TRPV6: variants seen among roughly 807,000 people sequenced by gnomAD.
TRPV6 encodes transient receptor potential cation channel subfamily V member 6.
TRPV6 carries 39 observed loss-of-function variants against 79.0 expected under a neutral mutation model. The ratio of observed to expected loss-of-function variants is 0.49; its 90% confidence interval spans 0.38 to 0.64. The LOEUF (loss-of-function observed/expected upper bound fraction) is 0.64. Ranked by LOEUF, TRPV6 falls within the 30% of genes least tolerant of loss-of-function variation. The pLI, the probability that TRPV6 is intolerant of heterozygous loss-of-function variation, is 0.00. For synonymous variants in TRPV6, 373 were observed against 391.9 expected, an observed-to-expected ratio of 0.95 and a Z score of 0.57; for missense variants, 813 against 1,011.1, an observed-to-expected ratio of 0.80 and a Z score of 2.66.
intron 10 of TRPV6, 84 bp from the exon 11 acceptor site, chr7:142,874,740 C>A: frequency 6.4e-7 from 1 of 1,565,362 alleles, no homozygotes; most frequent in Non-Finnish European, 8.7e-7. Flanking sequence ...TGGGAAAGTA[C>A]CCACACATGC....
Position 142,871,856 on chromosome 7 carries a change from G to T in TRPV6, c.2149C>A (p.Leu717Met). 1 of 1,614,212 alleles carries T rather than the reference G, an allele frequency of 6.2e-7. No homozygotes were observed. The highest frequency in any genetic ancestry group is 8.5e-7 in the Non-Finnish European group (1 of 1,180,036). ...GACACTGAGGGCATAGGAAGGGACAGGTGGGGGCTGAAGGGACAGCCCAGC... is the reference window on the plus strand; with the variant it reads ...GACACTGAGGGCATAGGAAGGGACATGTGGGGGCTGAAGGGACAGCCCAGC... The change falls in exon 15 of 15, where the codon CTG becomes ATG. Residue 717 changes from leucine (L) to methionine (M), a missense_variant. Physicochemically the swap from Leu to Met is conservative, Grantham distance 15. Coordinates refer to ENST00000359396, the MANE Select transcript of TRPV6 (RefSeq NM_018646.6).
At position 142,875,140 on chromosome 7, in the gene TRPV6, C is replaced by T. The variant is rs772265505; in HGVS notation, c.1267G>A (p.Asp423Asn). 2.5e-5 allele frequency: 41 copies of T among 1,614,004 alleles called. No homozygotes were observed. Among genetic ancestry groups the T allele is most frequent in the Admixed American group, 1.2e-4 (7 of 60,002 alleles). The change falls in exon 9 of 15, where the codon GAT (aspartate) becomes AAT (asparagine). Residue 423 changes from aspartate (D) to asparagine (N), a missense_variant. Around this residue, in one of 3 missense-constraint regions of TRPV6, gnomAD observed 555 missense variants for 631.0 expected, o/e 0.88. Coordinates refer to ENST00000359396, the MANE Select transcript of TRPV6 (RefSeq NM_018646.6). ...ACCAGCTCCCCGACCAGCCGGATATCGTCCTTAGGGGTCATGTAGGCTTCC... is the reference window on the plus strand; with the variant it reads ...ACCAGCTCCCCGACCAGCCGGATATTGTCCTTAGGGGTCATGTAGGCTTCC...
intron 9 of TRPV6, 32 bp from the exon 10 acceptor site, chr7:142,875,012 A>G: frequency 5.0e-6 from 8 of 1,614,162 alleles, no homozygotes; most frequent in East Asian, 4.5e-5. Flanking sequence ...AAAGGCACTC[A>G]GATACCGGAA....
Position 142,871,794 on chromosome 7 carries a change from C to G in TRPV6, c.2211G>C (p.Arg737Ser), listed in dbSNP as rs1318041797. 1.2e-6 allele frequency: 2 copies of G among 1,614,098 alleles called. No individual in the cohort carries two copies. The highest frequency in any genetic ancestry group is 1.3e-5 in the African/African-American group (1 of 74,936). The change falls in exon 15 of 15, where the codon AGG becomes AGC. Residue 737 changes from arginine to serine, a missense_variant. Arg to Ser is a moderately radical substitution (Grantham distance 110, BLOSUM62 -1). Coordinates refer to ENST00000359396, the MANE Select transcript of TRPV6 (RefSeq NM_018646.6). ...CTCTCCTCAGGGTCCCTTGCCGAAG[C>G]CTTTCCCAATTGGCACTGCTGCGGG... is the stretch of plus-strand genomic sequence containing the variant.
At chr7:142,884,319 C>T (rs1795254479) in intron 1 of TRPV6, 1 of 152,402 alleles carries the variant, frequency 6.6e-6, no homozygotes, top group African/African-American at 2.4e-5. Context: ...CAGGGGCCTC[C>T]AGGCAGCCTC....
Position 142,871,606 on chromosome 7 carries a change from G to T in TRPV6, c.*101C>A. The T allele has an allele frequency of 7.1e-7, 1 of 1,404,536 alleles. No homozygotes were observed. 87.0% of individuals were successfully genotyped at this position (1,404,536 alleles called of 1,614,324 possible). A position where few individuals can be genotyped will look rare whatever the true frequency, so the allele number is the denominator to read the frequency against. On this transcript the variant is annotated 3_prime_UTR_variant, in exon 15 of 15. Transcript: ENST00000359396. ...TTCATGCTACTCCTCTTTCTCCCCT[G>T]GGGCCTGGGAGATGAGACCTCTGGG...
chr7:142,876,424 A>G lies in TRPV6; in HGVS notation c.866T>C (p.Val289Ala). 1.2e-6 allele frequency: 2 copies of G among 1,613,738 alleles called. No homozygotes were observed. ...GTCTCTCACCACAGTGTTACCCTCC[A>G]CTCCAGCCAGCTTGAAAGGGGTGAG... Residue 289 changes from valine (V) to alanine (A), a missense_variant, in exon 6 of 15, where the codon GTG becomes GCG. By Grantham distance (64) the Val-to-Ala change is moderately conservative. Transcript: ENST00000359396.
rs1232429841 is a variant in TRPV6 at position 142,873,579 on chromosome 7, A to G, written c.1777T>C (p.Phe593Leu). ...GCAGCATAGGTGATGCTGTACATGA[A>G]GGGCAGGTCCACGTTGTAGTTGGCT... The change falls in exon 13 of 15, where the codon TTC (phenylalanine) becomes CTC (leucine). Residue 593 changes from phenylalanine to leucine, a missense_variant. This residue lies in a region of TRPV6 where 94 missense variants were observed against 194.0 expected (regional missense o/e 0.48). Coordinates refer to ENST00000359396, the MANE Select transcript of TRPV6 (RefSeq NM_018646.6). This position sits in a 1 kb window ranked among gnomAD's most constrained non-coding sequence, Gnocchi z 4.8. 1 of 1,614,108 alleles carries G rather than the reference A, an allele frequency of 6.2e-7. No homozygotes were observed. Among genetic ancestry groups the G allele is most frequent in the African/African-American group, 1.3e-5 (1 of 74,944 alleles).
chr7:142,872,001 G>A lies in TRPV6; in HGVS notation c.2016-12C>T, dbSNP rs199549393. 1.3e-4 allele frequency: 199 copies of A among 1,568,972 alleles called. 6 individuals carry two copies. In the South Asian group the frequency reaches 2.2e-3, roughly 17 times the overall value. ...GCCTGTCTTCCACCCTGTGGAATGC[G>A]GGAGGACTTGAGACACAGCCAGGAC... On this transcript the variant is annotated splice_polypyrimidine_tract_variant and intron_variant, in intron 14 of 14. Coordinates refer to ENST00000359396, the MANE Select transcript of TRPV6 (RefSeq NM_018646.6).
At chr7:142,880,015 G>C (rs4987633) in intron 1 of TRPV6, 4 of 152,052 alleles carry the variant, frequency 2.6e-5, no homozygotes, top group East Asian at 1.9e-4. Flanking sequence ...ATACACCTAG[G>C]ATGGTGTAGA....
At chr7:142,879,913 T>G (rs1795158940) in intron 1 of TRPV6, 3 of 152,244 alleles carry the variant, frequency 2.0e-5, no homozygotes, top group Admixed American at 2.0e-4. Flanking sequence ...ATTCTCCCTA[T>G]GTCTGTGCCC....
intron 1 of TRPV6, chr7:142,879,283 T>C (rs907787568): frequency 6.6e-6 from 1 of 152,224 alleles, no homozygotes; most frequent in Non-Finnish European, 1.5e-5. Context: ...CTCTCCTTAT[T>C]ATCCACTTCT....
Position 142,873,915 on chromosome 7 carries a change from C to T in TRPV6, c.1639+161G>A, listed in dbSNP as rs1163910204. ...CTAAGAGCCACCTCTCCCTAACACT[C>T]CCGATTTTTCTCACCTCTGGAGGAC... On this transcript the variant is annotated intron_variant, in intron 12 of 14. Coordinates refer to ENST00000359396, the MANE Select transcript of TRPV6 (RefSeq NM_018646.6). This position sits in a 1 kb window ranked among gnomAD's most constrained non-coding sequence, Gnocchi z 4.8. 9.3e-7 allele frequency: 1 copy of T among 1,071,494 alleles called. No individual in the cohort carries two copies. The highest frequency in any genetic ancestry group is 2.6e-5 in the East Asian group (1 of 38,448). The allele number at this position is 1,071,494 out of a possible 1,614,324, so 66.4% of individuals were successfully genotyped here. A position where few individuals can be genotyped will look rare whatever the true frequency, so the allele number is the denominator to read the frequency against.
In TRPV6 at chr7:142,872,467, G is replaced by A. The variant is rs4987677; in HGVS notation, c.1920C>T (p.Thr640=). The A allele has an allele frequency of 1.8e-3, 2,858 of 1,613,508 alleles. 37 individuals are homozygous for A. In the African/African-American group the frequency reaches 0.034, roughly 19 times the overall value. ...GCAGCTTCCGCTCCAGCATCACTGT[G>A]GTGGCCACAATCTGCGTATGGGAAC... Residue 640 remains threonine (T), a synonymous_variant, in exon 14 of 15, where the codon ACC becomes ACT. Transcript: ENST00000359396.
At chr7:142,885,247 G>T in intron 1 of TRPV6, 142 bp downstream of exon 1, 1 of 955,834 alleles carries the variant, frequency 1.0e-6, no homozygotes. Flanking sequence ...AAGACAGAAT[G>T]CTCCCAAGGA....
In TRPV6 at chr7:142,885,099, C is replaced by G. The variant is rs575321332; in HGVS notation, c.248+290G>C. On this transcript the variant is annotated intron_variant, in intron 1 of 14. Transcript: ENST00000359396. ...GAGGGGCTGTGATGCTCTATCCTTA[C>G]AAGCCCCAGCAAGACGCCTGGCCCT... The G allele has an allele frequency of 2.4e-4, 60 of 254,062 alleles. 2 individuals carry two copies. In the South Asian group the frequency reaches 5.3e-3, roughly 22 times the overall value. The allele number at this position is 254,062 out of a possible 1,614,324, so 15.7% of individuals were successfully genotyped here. A position where few individuals can be genotyped will look rare whatever the true frequency, so the allele number is the denominator to read the frequency against.
chr7:142,882,431 C>T (rs1209417517), intron 1 of TRPV6: 1 of 152,116 alleles, frequency 6.6e-6, no homozygotes, highest in Non-Finnish European at 1.5e-5. Context: ...AGAATCCAGC[C>T]CCAGGCTCTG....
chr7:142,873,763 G>C lies in TRPV6; in HGVS notation c.1640-47C>G. ...GGGTTACCATGGCAACCATGCAGAC[G>C]ACCAGCCCACCCCGGGCTCTGCGTG... is the stretch of plus-strand genomic sequence containing the variant. On this transcript the variant is annotated intron_variant, in intron 12 of 14. Coordinates refer to ENST00000359396, the MANE Select transcript of TRPV6 (RefSeq NM_018646.6). The surrounding 1 kb of genome is among the most constrained non-coding windows in gnomAD (Gnocchi z 4.8). 6.2e-7 allele frequency: 1 copy of C among 1,606,398 alleles called. No homozygotes were observed. Among genetic ancestry groups the C allele is most frequent in the Non-Finnish European group, 8.5e-7 (1 of 1,174,234 alleles).
At position 142,876,823 on chromosome 7, in the gene TRPV6, A is replaced by G; in HGVS notation, c.622T>C (p.Ser208Pro). Residue 208 changes from serine (S) to proline (P), a missense_variant, in exon 5 of 15, where the codon TCC (serine) becomes CCC (proline). This residue lies in a region of TRPV6 where 555 missense variants were observed against 631.0 expected (regional missense o/e 0.88). Transcript: ENST00000359396. ...TCACTGTTCACACAGGCAGCAAAGG[A>G]CAAAGGGTGCTCCCCTGTGGACACA... 6.2e-7 allele frequency: 1 copy of G among 1,614,080 alleles called. No homozygotes were observed. Among genetic ancestry groups the G allele is most frequent in the Non-Finnish European group, 8.5e-7 (1 of 1,179,998 alleles).
Sources: allele counts gnomAD v4.1 joint callset, GRCh38; gene constraint gnomAD v4.1.1; regional missense constraint gnomAD v4.1.1; non-coding constraint Gnocchi (gnomAD v3.1); transcripts MANE v1.5; gene names NCBI Gene and HGNC (gene_info 2026-07-23, HGNC 2026-07-21).